The following PDE2A variants were observed in gnomAD, a reference collection of about 807,000 sequenced individuals.
PDE2A encodes the protein phosphodiesterase 2A.
In PDE2A, 53 loss-of-function variants were observed where a neutral mutation model predicts 133.6. That is an observed-to-expected ratio of 0.40 (90% CI 0.32 to 0.50). The LOEUF (loss-of-function observed/expected upper bound fraction) is 0.50, where lower values mean the gene tolerates loss of function less well. Ranked by LOEUF, PDE2A falls within the 20% of genes least tolerant of loss-of-function variation. The pLI, the probability that PDE2A is intolerant of heterozygous loss-of-function variation, is 0.73. For synonymous variants in PDE2A, 491 were observed against 490.2 expected (o/e 1.00, Z -0.02); for missense variants, 796 against 1,232.4 (o/e 0.65, Z 5.30).
rs370235624 is a variant in PDE2A, at chr11:72,597,597, G to A, written c.346C>T (p.Arg116Trp). ...AAGCCCAGCCCATTGCAGCCCAGCC[G>A]CTTCTGGGAGATGATAGCCTCCCTG... ...KVREAIISQK[R>W]LGCNGLGFSD... The change falls in exon 5 of 31, where the codon CGG becomes TGG. Residue 116 changes from arginine (R) to tryptophan (W), a missense_variant. Coordinates refer to ENST00000334456, the MANE Select transcript of PDE2A (RefSeq NM_002599.5). The surrounding 1 kb of genome is among the most constrained non-coding windows in gnomAD (Gnocchi z 4.6). 1.4e-5 allele frequency: 22 copies of A among 1,612,416 alleles called. No individual in the cohort carries two copies. Among genetic ancestry groups the A allele is most frequent in the Admixed American group, 5.0e-5 (3 of 60,000 alleles).
intron 2 of PDE2A, among the ~76,000 whole-genome samples, chr11:72,630,220 G>C (rs886623097): frequency 6.6e-6 from 1 of 152,196 alleles, no homozygotes; most frequent in Non-Finnish European, 1.5e-5. Flanking sequence ...GAAGGTTCAG[G>C]AATGAAGAAA....
chr11:72,582,514 G>A lies in PDE2A; in HGVS notation c.1781C>T (p.Ala594Val), dbSNP rs1375522168. The change falls in exon 21 of 31, where the codon GCT becomes GTT. Residue 594 changes from alanine (A) to valine (V), a missense_variant. Physicochemically the swap from Ala to Val is moderately conservative, Grantham distance 64. Transcript: ENST00000334456. Reference protein sequence around the residue: ...KLLHDGIQPVAAIDSNFASFT... With the variant: ...KLLHDGIQPVVAIDSNFASFT... ...ACTTGCAAAATTGGAGTCAATGGCA[G>A]CCACAGGCTGGATCCCATCATGGAG... 4 of 1,613,382 alleles carry A rather than the reference G, an allele frequency of 2.5e-6. No homozygotes were observed. The East Asian group carries it at 8.9e-5, about 36-fold the overall frequency.
intron 2 of PDE2A, among the ~76,000 whole-genome samples, chr11:72,627,586 G>T (rs1161899715): frequency 6.6e-6 from 1 of 152,218 alleles, no homozygotes. Flanking sequence ...CTGTCTCAGG[G>T]CATAAGGGGA....
At chr11:72,652,262 G>A (rs1317122086) in intron 1 of PDE2A, among the ~76,000 whole-genome samples, 1 of 152,166 alleles carries the variant, frequency 6.6e-6, no homozygotes, top group Non-Finnish European at 1.5e-5. Flanking sequence ...TTCTCCATGG[G>A]CCCATCAGCC....
intron 2 of PDE2A, among the ~76,000 whole-genome samples, chr11:72,623,739 T>C (rs1372768873): frequency 2.4e-4 from 37 of 152,176 alleles, no homozygotes. Flanking sequence ...TTCTCTGGTT[T>C]TCCCTCTTGC....
At chr11:72,577,674 A>C in intron 30 of PDE2A, 80 bp from the exon 31 acceptor site, 1 of 1,049,016 alleles carries the variant, frequency 9.5e-7, no homozygotes, top group Non-Finnish European at 1.5e-6. Flanking sequence ...CTACACAACA[A>C]ATAGAACTTC....
intron 1 of PDE2A, among the ~76,000 whole-genome samples, chr11:72,659,917 T>G (rs2135456686): frequency 1.3e-5 from 2 of 152,304 alleles, no homozygotes; most frequent in South Asian, 4.1e-4. Flanking sequence ...TCCCTTCCCC[T>G]GCCTGGCTGC....
In PDE2A at chr11:72,584,595, C is replaced by T. The variant is rs745957262; in HGVS notation, c.1493G>A (p.Arg498His). The change falls in exon 18 of 31, where the codon CGC (arginine) becomes CAC (histidine). Residue 498 changes from arginine (R) to histidine (H), a missense_variant. Coordinates refer to ENST00000334456, the MANE Select transcript of PDE2A (RefSeq NM_002599.5). ...GGGGAAGCAGAGGATGTTGCGCGTG[C>T]GGAAGCCGGTGCTGTCGTCCACGCC... is the stretch of plus-strand genomic sequence containing the variant. ...YRGVDDSTGFRTRNILCFPIK... is the reference protein window; with the variant it reads ...YRGVDDSTGFHTRNILCFPIK... The T allele has an allele frequency of 3.1e-6, 5 of 1,612,158 alleles. No homozygotes were observed. Among genetic ancestry groups the T allele is most frequent in the Non-Finnish European group, 4.2e-6 (5 of 1,179,948 alleles).
intron 1 of PDE2A, among the ~76,000 whole-genome samples, chr11:72,668,821 C>T (rs921883611): frequency 2.0e-5 from 3 of 152,228 alleles, no homozygotes; most frequent in African/African-American, 7.2e-5. Context: ...TCTGAGAAAC[C>T]TCGGTCCCTC....
intron 4 of PDE2A, among the ~76,000 whole-genome samples, chr11:72,599,200 T>G (rs1856625215): frequency 6.6e-6 from 1 of 152,126 alleles, no homozygotes; most frequent in Non-Finnish European, 1.5e-5. Context: ...CTGGAGCTGC[T>G]TGGCCTCTCT....
At chr11:72,674,109 C>T (rs777030822) in intron 1 of PDE2A, 28 bp downstream of exon 1, 12 of 1,608,174 alleles carry the variant, frequency 7.5e-6, no homozygotes, top group Middle Eastern at 1.7e-4. Flanking sequence ...CACAGCCGCT[C>T]ACCACCCCAG....
At chr11:72,650,313 G>A (rs1318454608) in intron 1 of PDE2A, among the ~76,000 whole-genome samples, 3 of 131,934 alleles carry the variant, frequency 2.3e-5, no homozygotes, top group African/African-American at 5.0e-5. Context: ...GTGAGCCACC[G>A]CGTGTAGCCA....
intron 3 of PDE2A, among the ~76,000 whole-genome samples, chr11:72,606,232 C>T (rs948918837): frequency 2.6e-5 from 4 of 152,020 alleles, no homozygotes; most frequent in Non-Finnish European, 4.4e-5. Context: ...CCCCATGCAA[C>T]GCAGCCTTGT....
intron 13 of PDE2A, among the ~76,000 whole-genome samples, chr11:72,587,377 C>T (rs1856023572): frequency 6.6e-6 from 1 of 152,230 alleles, no homozygotes; most frequent in Admixed American, 6.5e-5. Flanking sequence ...GTAGTCACTG[C>T]ACTGAGCTGA....
intron 22 of PDE2A, 143 bp from the exon 23 acceptor site, chr11:72,581,622 T>TG (rs2135276083): frequency 1.0e-6 from 1 of 1,002,118 alleles, no homozygotes; most frequent in Non-Finnish European, 1.5e-6. Flanking sequence ...AGGAAGTTCC[T>TG]ATGCACATCT....
chr11:72,624,593 C>T lies in PDE2A; in HGVS notation c.145-15842G>A, dbSNP rs536141921. 2.0e-5 allele frequency among the ~76,000 whole-genome samples: 3 copies of T among 152,340 alleles called. No individual in the cohort carries two copies. In the South Asian group the frequency reaches 6.2e-4, roughly 32 times the overall value. On this transcript the variant is annotated intron_variant, in intron 2 of 30. Coordinates refer to ENST00000334456, the MANE Select transcript of PDE2A (RefSeq NM_002599.5). ...TCGAGCCACAGACTCAGGACCATACCTGCTACTGCAGCGTCATTTGCTCAC... is the reference window on the plus strand; with the variant it reads ...TCGAGCCACAGACTCAGGACCATACTTGCTACTGCAGCGTCATTTGCTCAC...
At chr11:72,671,392 G>A (rs927331691) in intron 1 of PDE2A, among the ~76,000 whole-genome samples, 2 of 152,288 alleles carry the variant, frequency 1.3e-5, no homozygotes, top group African/African-American at 4.8e-5. Context: ...GCAGAAGCCC[G>A]GGGAGCGCAG....
At position 72,628,333 on chromosome 11, in the gene PDE2A, C is replaced by CT. The variant is rs562919002; in HGVS notation, c.144+13920dup. 7.5e-3 allele frequency among the ~76,000 whole-genome samples: 1,070 copies of CT among 142,028 alleles called. 9 individuals carry two copies. Among genetic ancestry groups the CT allele is most frequent in the African/African-American group, 0.02 (759 of 38,714 alleles). The allele number at this position is 142,028 out of a possible 152,430, so 93.2% of individuals were successfully genotyped here. A position where few individuals can be genotyped will look rare whatever the true frequency, so the allele number is the denominator to read the frequency against. ...ATTACATCCAAGAATGATAGAGGTT[C>CT]TTTTTTTTTTTTTTTGAGATGGAGT... On this transcript the variant is annotated intron_variant, in intron 2 of 30. Coordinates refer to ENST00000334456, the MANE Select transcript of PDE2A (RefSeq NM_002599.5).
At chr11:72,585,873 G>A (rs1056026459) in intron 14 of PDE2A, among the ~76,000 whole-genome samples, 197 bp downstream of exon 14, 10 of 152,194 alleles carry the variant, frequency 6.6e-5, no homozygotes, top group African/African-American at 2.2e-4. Context: ...ACACTAGAGG[G>A]CGATCACATA....
Sources: gnomAD v4.1 joint callset for allele counts (sites outside exome capture counted in the v4.1 genomes callset) on GRCh38, gnomAD v4.1.1 for gene constraint, Gnocchi (gnomAD v3.1) non-coding constraint, MANE v1.5 for transcripts, NCBI Gene and HGNC (gene_info 2026-07-23, HGNC 2026-07-21) for gene names.